PLEKHM3: variants seen among roughly 807,000 people sequenced by gnomAD.
PLEKHM3 encodes pleckstrin homology domain containing M3, also known as pleckstrin homology domain-containing family M member 3.
Under a neutral mutation model 81.8 loss-of-function variants are expected in PLEKHM3, and 45 were observed. The observed-to-expected ratio is 0.55, with a 90% CI of 0.43 to 0.71. The LOEUF is 0.71. Ranked by LOEUF, PLEKHM3 falls within the 30% of genes least tolerant of loss-of-function variation. The pLI, the probability that PLEKHM3 is intolerant of heterozygous loss-of-function variation, is 0.00. For synonymous variants in PLEKHM3, 352 were observed against 356.4 expected, an observed-to-expected ratio of 0.99 and a Z score of 0.14; for missense variants, 788 against 924.3, an observed-to-expected ratio of 0.85 and a Z score of 1.91.
intron 6 of PLEKHM3, among the ~76,000 whole-genome samples, chr2:207,884,872 T>C (rs1237625194): frequency 6.6e-6 from 1 of 152,242 alleles, no homozygotes; most frequent in African/African-American, 2.4e-5. Flanking sequence ...ATTAGTCTGA[T>C]AGGCCTGCTC....
intron 3 of PLEKHM3, among the ~76,000 whole-genome samples, chr2:207,969,805 G>A (rs1691048125): frequency 6.6e-6 from 1 of 152,242 alleles, no homozygotes; most frequent in East Asian, 1.9e-4. Flanking sequence ...CTAAGGGGAG[G>A]CTAAAAATTT....
chr2:207,897,076 T>C (rs939352910), intron 6 of PLEKHM3, among the ~76,000 whole-genome samples: 1 of 152,190 alleles, frequency 6.6e-6, no homozygotes, highest in Non-Finnish European at 1.5e-5. Context: ...GCTCTCCAGG[T>C]GCAATTCCCC....
chr2:207,995,307 A>G (rs1221136311), intron 2 of PLEKHM3, among the ~76,000 whole-genome samples: 1 of 152,238 alleles, frequency 6.6e-6, no homozygotes, highest in Non-Finnish European at 1.5e-5. Context: ...GTTACAAGGC[A>G]CACATAAATC....
intron 7 of PLEKHM3, among the ~76,000 whole-genome samples, chr2:207,834,306 T>C (rs1335451321): frequency 6.6e-6 from 1 of 151,924 alleles, no homozygotes; most frequent in Non-Finnish European, 1.5e-5. Context: ...AATTTTGTAT[T>C]TTTAGTAGAG....
At chr2:207,927,390 C>G (rs558468059) in intron 5 of PLEKHM3, among the ~76,000 whole-genome samples, 4 of 151,654 alleles carry the variant, frequency 2.6e-5, no homozygotes, top group Non-Finnish European at 2.9e-5. Flanking sequence ...GTGGCATAGG[C>G]CTGTAATCCC....
chr2:207,962,910 C>T (rs1350048145), intron 3 of PLEKHM3, among the ~76,000 whole-genome samples: 1 of 133,134 alleles, frequency 7.5e-6, no homozygotes, highest in African/African-American at 2.7e-5. Flanking sequence ...CTAAGAGGTC[C>T]TATAGTCAAA....
intron 6 of PLEKHM3, among the ~76,000 whole-genome samples, chr2:207,894,656 A>T (rs1559225210): frequency 6.6e-6 from 1 of 152,238 alleles, no homozygotes; most frequent in Non-Finnish European, 1.5e-5. Context: ...GGGAGAAAAC[A>T]GTCCAATTTA....
At chr2:207,908,188 C>T (rs1424665611) in intron 6 of PLEKHM3, among the ~76,000 whole-genome samples, 1 of 152,158 alleles carries the variant, frequency 6.6e-6, no homozygotes, top group Non-Finnish European at 1.5e-5. Flanking sequence ...ATGTTTTCAA[C>T]TCTCTTGGGT....
chr2:207,843,199 C>T lies in PLEKHM3; in HGVS notation c.2109-14703G>A, dbSNP rs1269716485. On this transcript the variant is annotated intron_variant, in intron 7 of 7. Transcript: ENST00000427836. The surrounding 1 kb of genome is among the most constrained non-coding windows in gnomAD (Gnocchi z 4.4). ...TCCTAGGCTCAAGTGATCTGCCTGT[C>T]TCAGCCTCCCAAAGTGTTGGCCTCC... Among the ~76,000 whole-genome samples, 1 of 152,182 alleles carries T rather than the reference C, an allele frequency of 6.6e-6. No homozygotes were observed. The highest frequency in any genetic ancestry group is 2.4e-5 in the African/African-American group (1 of 41,452).
rs560063679 is a variant in PLEKHM3 at position 208,003,828 on chromosome 2, T to C, written c.-318-1871A>G. 5.3e-5 allele frequency among the ~76,000 whole-genome samples: 8 copies of C among 152,294 alleles called. No individual in the cohort carries two copies. The South Asian group carries it at 1.7e-3, about 32-fold the overall frequency. ...TACCAGAGACGGAAATATACATAAA[T>C]ATAATAAATCTTAAAACGTTTTGTT... On this transcript the variant is annotated intron_variant, in intron 1 of 7. Transcript: ENST00000427836.
intron 2 of PLEKHM3, among the ~76,000 whole-genome samples, chr2:207,983,172 C>A (rs1691597647): frequency 6.6e-6 from 1 of 151,986 alleles, no homozygotes; most frequent in Non-Finnish European, 1.5e-5. Context: ...CTGCCTCAGC[C>A]TCCCAAGTAG....
intron 5 of PLEKHM3, among the ~76,000 whole-genome samples, chr2:207,913,456 G>GA (rs1176231235): frequency 2.0e-5 from 3 of 152,130 alleles, no homozygotes; most frequent in African/African-American, 4.8e-5. Flanking sequence ...GCCAAGGAAG[G>GA]AGAGAATTTC....
intron 6 of PLEKHM3, among the ~76,000 whole-genome samples, chr2:207,875,779 C>A (rs1445062651): frequency 6.6e-6 from 1 of 152,054 alleles, no homozygotes; most frequent in Admixed American, 6.6e-5. Context: ...CTGAGGCCAG[C>A]TGGGCAACAC....
intron 2 of PLEKHM3, among the ~76,000 whole-genome samples, chr2:207,984,698 ATAGT>A (rs1364662476): frequency 1.3e-5 from 2 of 152,116 alleles, no homozygotes; most frequent in African/African-American, 4.8e-5. Context: ...TTTAATATAC[ATAGT>A]TTGTTTGAAT....
At chr2:207,896,499 A>T (rs1447319643) in intron 6 of PLEKHM3, among the ~76,000 whole-genome samples, 3 of 152,236 alleles carry the variant, frequency 2.0e-5, no homozygotes, top group Non-Finnish European at 4.4e-5. Context: ...TAGGGATTGG[A>T]ATATTTTCAG....
chr2:207,918,797 G>T lies in PLEKHM3; in HGVS notation c.1887-10220C>A, dbSNP rs79954436. On this transcript the variant is annotated intron_variant, in intron 5 of 7. Transcript: ENST00000427836. Reference sequence around the variant, plus strand: ...GCCCCCACTATATGTATAGCTCTAAGCAGTGAATATAACAGATAAAAAGTC... The same window carrying T: ...GCCCCCACTATATGTATAGCTCTAATCAGTGAATATAACAGATAAAAAGTC... 1.4e-3 allele frequency among the ~76,000 whole-genome samples: 211 copies of T among 152,272 alleles called. 2 individuals are homozygous for T. The highest frequency in any genetic ancestry group is 6.8e-3 in the Middle Eastern group (2 of 294).
At chr2:207,880,841 T>C (rs1278711728) in intron 6 of PLEKHM3, among the ~76,000 whole-genome samples, 1 of 116,792 alleles carries the variant, frequency 8.6e-6, no homozygotes, top group South Asian at 2.6e-4. Context: ...AAAATAGATA[T>C]GCAAAGTCAA....
At chr2:207,831,363 G>A (rs920589502) in intron 7 of PLEKHM3, among the ~76,000 whole-genome samples, 4 of 152,220 alleles carry the variant, frequency 2.6e-5, no homozygotes, top group African/African-American at 9.6e-5. Flanking sequence ...GGCTCTTACC[G>A]AGCACCACGC....
chr2:207,999,164 G>A (rs1692213817), intron 2 of PLEKHM3, among the ~76,000 whole-genome samples: 1 of 151,886 alleles, frequency 6.6e-6, no homozygotes, highest in South Asian at 2.1e-4. Flanking sequence ...TGTGTTTTTA[G>A]TAGAGACAGG....
Sources: gnomAD v4.1 joint callset for allele counts (sites outside exome capture counted in the v4.1 genomes callset) on GRCh38, gnomAD v4.1.1 for gene constraint, Gnocchi (gnomAD v3.1) non-coding constraint, MANE v1.5 for transcripts, NCBI Gene and HGNC (gene_info 2026-07-23, HGNC 2026-07-21) for gene names.